Variants in PLEKHN1 observed in about 807,000 individuals in gnomAD.
PLEKHN1 encodes pleckstrin homology domain containing N1, also known as pleckstrin homology domain-containing family N member 1.
PLEKHN1 carries 68 observed loss-of-function variants against 72.8 expected under a neutral mutation model. The observed-to-expected ratio is 0.93, with a 90% confidence interval of 0.77 to 1.14. PLEKHN1 has a LOEUF of 1.14. PLEKHN1 is among the 50% of genes most tolerant of loss of function. The probability of loss-of-function intolerance (pLI) is 0.00; values close to 1 mark genes in which losing one functional copy is unlikely to be tolerated. For synonymous variants in PLEKHN1, 454 were observed against 371.6 expected, an observed-to-expected ratio of 1.22 and a Z score of -2.55; for missense variants, 1,015 against 840.5, an observed-to-expected ratio of 1.21 and a Z score of -2.57.
chr1:974,846 C>T lies in PLEKHN1; in HGVS notation c.*271C>T, dbSNP rs1211194201. On this transcript the variant is annotated 3_prime_UTR_variant, in exon 16 of 16. Coordinates refer to ENST00000379410, the MANE Select transcript of PLEKHN1 (RefSeq NM_032129.3). ...AGGTCCTGGCCGTCCACAGGGTCGG[C>T]CCTCAGCTCAGCCCGCCAGGAGTCA... The T allele has an allele frequency of 4.1e-6, 2 of 493,276 alleles. No homozygotes were observed. The highest frequency in any genetic ancestry group is 7.3e-6 in the Non-Finnish European group (2 of 275,832). 30.6% of individuals were successfully genotyped at this position (493,276 alleles called of 1,614,324 possible). A position where few individuals can be genotyped will look rare whatever the true frequency, so the allele number is the denominator to read the frequency against.
chr1:972,865 T>C lies in PLEKHN1; in HGVS notation c.1007T>C (p.Met336Thr), dbSNP rs1190551935. Reference protein sequence around the residue: ...GAESFPGSQVMGSGRGSLSSG... With the variant: ...GAESFPGSQVTGSGRGSLSSG... ...CCCCACTCACTGCCCATCCAGGTTA[T>C]GGGCAGTGGCCGAGGCTCACTCTCC... The change falls in exon 11 of 16, where the codon ATG becomes ACG. Residue 336 changes from methionine to threonine, a missense_variant. Coordinates refer to ENST00000379410, the MANE Select transcript of PLEKHN1 (RefSeq NM_032129.3). 5.2e-6 allele frequency: 8 copies of C among 1,550,526 alleles called. No homozygotes were observed. The highest frequency in any genetic ancestry group is 2.7e-5 in the African/African-American group (2 of 73,346).
rs1193158397 is a variant in PLEKHN1, at chr1:973,193, C to G, written c.1160C>G (p.Ala387Gly). The G allele has an allele frequency of 6.6e-7, 1 of 1,526,358 alleles. No individual in the cohort carries two copies. Among genetic ancestry groups the G allele is most frequent in the Admixed American group, 2.0e-5 (1 of 49,878 alleles). 94.6% of individuals were successfully genotyped at this position (1,526,358 alleles called of 1,614,324 possible). ...GGTTTGTGGTCCCCACAGGACCAGG[C>G]CAACTCTGACCGTGCCAGCATTGGC... Reference protein sequence around the residue: ...GCSSQHTPDQANSDRASIGRR... With the variant: ...GCSSQHTPDQGNSDRASIGRR... Residue 387 changes from alanine (A) to glycine (G), a missense_variant, in exon 12 of 16, where the codon GCC becomes GGC. Ala to Gly is a moderately conservative substitution (Grantham distance 60). Coordinates refer to ENST00000379410, the MANE Select transcript of PLEKHN1 (RefSeq NM_032129.3).
intron 8 of PLEKHN1, 27 bp downstream of exon 8, chr1:971,431 C>T (rs1334645180): frequency 6.5e-7 from 1 of 1,547,716 alleles, no homozygotes; most frequent in Non-Finnish European, 8.7e-7. Flanking sequence ...TGTGGGCCCG[C>T]CCCAGGGAGG....
chr1:971,520 C>T, intron 8 of PLEKHN1, 116 bp downstream of exon 8: 6 of 994,338 alleles, frequency 6.0e-6, no homozygotes, highest in Non-Finnish European at 9.2e-6. Flanking sequence ...AGCGCAGGGC[C>T]CTGCCCACCC....
chr1:969,822 T>A (rs1317453194), intron 2 of PLEKHN1, among the ~76,000 whole-genome samples: 1 of 152,160 alleles, frequency 6.6e-6, no homozygotes, highest in Non-Finnish European at 1.5e-5. Context: ...CATATATGGA[T>A]GCATGCATGT....
In PLEKHN1 at chr1:966,578, C is replaced by T; in HGVS notation, c.47C>T (p.Ala16Val). The T allele has an allele frequency of 6.2e-7, 1 of 1,610,980 alleles. No individual in the cohort carries two copies. Among genetic ancestry groups the T allele is most frequent in the Non-Finnish European group, 8.5e-7 (1 of 1,178,690 alleles). ...CVPQAPRRLR[A>V]SFSRKPSLKG... The stretch of plus-strand genomic sequence containing the variant: ...CCTCAGGCCCCCAGGAGGCTCCGGG[C>T]CTCCTTCTCCAGAAAGCCCTCGCTG... The change falls in exon 1 of 16, where the codon GCC becomes GTC. Residue 16 changes from alanine (A) to valine (V), a missense_variant. Transcript: ENST00000379410.
chr1:970,230 TG>T lies in PLEKHN1; in HGVS notation c.184-41del, dbSNP rs767316248. 3.3e-6 allele frequency: 5 copies of T among 1,531,678 alleles called. No individual in the cohort carries two copies. Among genetic ancestry groups the T allele is most frequent in the African/African-American group, 3.2e-5 (2 of 61,934 alleles). The allele number at this position is 1,531,678 out of a possible 1,614,324, so 94.9% of individuals were successfully genotyped here. On this transcript the variant is annotated intron_variant, in intron 2 of 15. Coordinates refer to ENST00000379410, the MANE Select transcript of PLEKHN1 (RefSeq NM_032129.3). The surrounding 1 kb of genome is among the most constrained non-coding windows in gnomAD (Gnocchi z 4.2). ...GCTGTGTGGATGCGAGCGGAGGGGGTGGGGGGCCCAGGGGAGGCCCCCTCCC... is the reference window on the plus strand; with the variant it reads ...GCTGTGTGGATGCGAGCGGAGGGGGTGGGGGCCCAGGGGAGGCCCCCTCCC...
rs1313005586 is a variant in PLEKHN1, at chr1:970,924, A to G, written c.530A>G (p.Glu177Gly). The stretch of plus-strand genomic sequence containing the variant: ...CTGGTGCTCTGCCCCAGCCGGGCCG[A>G]GCTGGACCGCTGGCTTTACCACCTG... ...PLLVLCPSRA[E>G]LDRWLYHLEK... The change falls in exon 6 of 16, where the codon GAG becomes GGG. Residue 177 changes from glutamate (E) to glycine (G), a missense_variant. Physicochemically the swap from Glu to Gly is moderately conservative, Grantham distance 98 (BLOSUM62 -2). Transcript: ENST00000379410. The surrounding 1 kb of genome is among the most constrained non-coding windows in gnomAD (Gnocchi z 4.2). 6.2e-7 allele frequency: 1 copy of G among 1,610,390 alleles called. No homozygotes were observed. Among genetic ancestry groups the G allele is most frequent in the Non-Finnish European group, 8.5e-7 (1 of 1,179,604 alleles).
Position 966,490 on chromosome 1 carries a change from G to A in PLEKHN1, c.-42G>A. 3.9e-6 allele frequency: 6 copies of A among 1,552,064 alleles called. No individual in the cohort carries two copies. The highest frequency in any genetic ancestry group is 5.3e-6 in the Non-Finnish European group (6 of 1,138,558). Reference sequence around the variant, plus strand: ...CCGCGGGAGGCGGGGGCAGGAGGCTGTGGACAGGGACCCAGACTTGCCGAC... The same window carrying A: ...CCGCGGGAGGCGGGGGCAGGAGGCTATGGACAGGGACCCAGACTTGCCGAC... On this transcript the variant is annotated 5_prime_UTR_variant, in exon 1 of 16. In the 5' UTR this introduces an upstream ATG that the reference lacks. Transcript: ENST00000379410.
chr1:969,649 CGTGT>C (rs111304798), intron 2 of PLEKHN1, among the ~76,000 whole-genome samples: 9,847 of 131,726 alleles, frequency 0.075, 741 homozygotes, highest in African/African-American at 0.29. Flanking sequence ...TATGTGTGCA[CGTGT>C]GTATCCATGC....
chr1:970,418 A>G lies in PLEKHN1; in HGVS notation c.325A>G (p.Ser109Gly), dbSNP rs377376832. Residue 109 changes from serine (S) to glycine (G), a missense_variant, in exon 3 of 16, where the codon AGC (serine) becomes GGC (glycine). Physicochemically the swap from Ser to Gly is moderately conservative, Grantham distance 56. Coordinates refer to ENST00000379410, the MANE Select transcript of PLEKHN1 (RefSeq NM_032129.3). The surrounding 1 kb of genome is among the most constrained non-coding windows in gnomAD (Gnocchi z 4.2). ...YAKVQLRFQH[S>G]QDVSDCYLEL... ...CAAGGTCCAGCTGCGGTTCCAGCAC[A>G]GCCAGGTGGGGGCCGGGCTGGGTGG... is the stretch of plus-strand genomic sequence containing the variant. 6.3e-5 allele frequency: 101 copies of G among 1,613,278 alleles called. No individual in the cohort carries two copies. The highest frequency in any genetic ancestry group is 8.3e-5 in the Non-Finnish European group (98 of 1,179,946).
intron 6 of PLEKHN1, 37 bp from the exon 7 acceptor site, chr1:971,074 CAG>C (rs1643297649): frequency 5.7e-6 from 9 of 1,580,738 alleles, no homozygotes; most frequent in Non-Finnish European, 6.9e-6. Flanking sequence ...CTCCTCCTCA[CAG>C]GGGTCCTGCG....
At chr1:972,653 A>C (rs1643401173) in intron 10 of PLEKHN1, among the ~76,000 whole-genome samples, 1 of 152,204 alleles carries the variant, frequency 6.6e-6, no homozygotes. Flanking sequence ...CTGTAACCCC[A>C]GCTACTCAGG....
rs1643315561 is a variant in PLEKHN1 at position 971,307 on chromosome 1, C to T, written c.709-17C>T. ...GCTCAGTTCCCTCATCGCCTGACCC[C>T]ACCCCCACCCACCCAGGAGCAGTGG... On this transcript the variant is annotated splice_polypyrimidine_tract_variant and intron_variant, in intron 7 of 15. Coordinates refer to ENST00000379410, the MANE Select transcript of PLEKHN1 (RefSeq NM_032129.3). 1.3e-6 allele frequency: 2 copies of T among 1,556,768 alleles called. No homozygotes were observed. The highest frequency in any genetic ancestry group is 1.7e-6 in the Non-Finnish European group (2 of 1,148,944).
At position 974,729 on chromosome 1, in the gene PLEKHN1, GTTC is replaced by G; in HGVS notation, c.*155_*157del. ...GTTCAGAGCCCGTCCCTCAGCTCCTGTTCCTTGGTGCCAGCAGCTGGGGCAGGG... is the reference window on the plus strand; with the variant it reads ...GTTCAGAGCCCGTCCCTCAGCTCCTGCTTGGTGCCAGCAGCTGGGGCAGGG... On this transcript the variant is annotated 3_prime_UTR_variant, in exon 16 of 16. Transcript: ENST00000379410. 1.1e-6 allele frequency: 1 copy of G among 947,322 alleles called. No individual in the cohort carries two copies. Among genetic ancestry groups the G allele is most frequent in the East Asian group, 2.7e-5 (1 of 36,480 alleles). 58.7% of individuals were successfully genotyped at this position (947,322 alleles called of 1,614,324 possible).
Position 973,251 on chromosome 1 carries a change from C to T in PLEKHN1, c.1218C>T (p.Ser406=). The change falls in exon 12 of 16, where the codon AGC becomes AGT. Residue 406 remains serine (S), a synonymous_variant. Coordinates refer to ENST00000379410, the MANE Select transcript of PLEKHN1 (RefSeq NM_032129.3). ...GGACCGAGCTGAGACGCAGTGGCAG[C>T]AGCCGGTCACCCGGGAGCAAGGCCC... ...RRRTELRRSG[S]SRSPGSKARA... The T allele has an allele frequency of 6.5e-7, 1 of 1,543,160 alleles. No individual in the cohort carries two copies.
rs1243823325 is a variant in PLEKHN1 at position 966,897 on chromosome 1, G to A, written c.183+94G>A. On this transcript the variant is annotated intron_variant, in intron 2 of 15. Transcript: ENST00000379410. Reference sequence around the variant, plus strand: ...CCGTGCAGCTCAGGGTCTTCCCCTCGCCCCCGGGGCGTTCAGACCCCGGTA... The same window carrying A: ...CCGTGCAGCTCAGGGTCTTCCCCTCACCCCCGGGGCGTTCAGACCCCGGTA... 20 of 1,349,306 alleles carry A rather than the reference G, an allele frequency of 1.5e-5. No individual in the cohort carries two copies. The East Asian group carries it at 2.1e-4, about 14-fold the overall frequency. 83.6% of individuals were successfully genotyped at this position (1,349,306 alleles called of 1,614,324 possible). A position where few individuals can be genotyped will look rare whatever the true frequency, so the allele number is the denominator to read the frequency against.
chr1:972,188 A>G lies in PLEKHN1; in HGVS notation c.865+38A>G, dbSNP rs1643369880. On this transcript the variant is annotated intron_variant, in intron 9 of 15. Transcript: ENST00000379410. ...CCCTGGTTCTGCCTCCCGCCTGGCC[A>G]GGCCATGGTGGGGCGGGAGCCTGGG... is the stretch of plus-strand genomic sequence containing the variant. 3 of 1,608,796 alleles carry G rather than the reference A, an allele frequency of 1.9e-6. No individual in the cohort carries two copies. The African/African-American group carries it at 4.0e-5, about 21-fold the overall frequency.
chr1:972,338 G>A lies in PLEKHN1; in HGVS notation c.916G>A (p.Gly306Ser), dbSNP rs371800766. ...GGTGTGCGCCAGCTACGAGGACTAC[G>A]GTCACTGGCTGCTGTGCCTTCGCGC... is the stretch of plus-strand genomic sequence containing the variant. ...RVVCASYEDYGHWLLCLRAVT... is the reference protein window; with the variant it reads ...RVVCASYEDYSHWLLCLRAVT... Residue 306 changes from glycine (G) to serine (S), a missense_variant, in exon 10 of 16, where the codon GGT becomes AGT. Coordinates refer to ENST00000379410, the MANE Select transcript of PLEKHN1 (RefSeq NM_032129.3). 278 of 1,612,390 alleles carry A rather than the reference G, an allele frequency of 1.7e-4. No individual in the cohort carries two copies. Among genetic ancestry groups the A allele is most frequent in the East Asian group, 9.4e-4 (42 of 44,874 alleles).
Sources: gnomAD v4.1 joint callset for allele counts (sites outside exome capture counted in the v4.1 genomes callset) on GRCh38, gnomAD v4.1.1 for gene constraint, Gnocchi (gnomAD v3.1) non-coding constraint, MANE v1.5 for transcripts, NCBI Gene and HGNC (gene_info 2026-07-23, HGNC 2026-07-21) for gene names.